NALF1: variants seen among roughly 807,000 people sequenced by gnomAD.
NALF1 encodes NALCN channel auxiliary factor 1.
Under a neutral mutation model 48.4 loss-of-function variants are expected in NALF1, and 3 were observed. That is an observed-to-expected ratio of 0.06 (90% CI 0.03 to 0.16). NALF1 has a LOEUF of 0.16. NALF1 is among the 10% of genes least tolerant of loss of function. The pLI is 1.00. For synonymous variants in NALF1, 262 were observed against 245.7 expected, an observed-to-expected ratio of 1.07 and a Z score of -0.62; for missense variants, 526 against 571.5, an observed-to-expected ratio of 0.92 and a Z score of 0.81.
At chr13:107,704,404 AAT>A (rs1881897738) in intron 1 of NALF1, among the ~76,000 whole-genome samples, 1 of 152,108 alleles carries the variant, frequency 6.6e-6, no homozygotes. Flanking sequence ...TTTCTATACC[AAT>A]GTCTATCTCT....
At chr13:107,624,221 G>A (rs746282269) in intron 1 of NALF1, among the ~76,000 whole-genome samples, 16 of 152,214 alleles carry the variant, frequency 1.1e-4, no homozygotes, top group African/African-American at 2.6e-4. Context: ...AGTATTCGCC[G>A]TTCTTCTGAC....
At chr13:107,286,652 T>C (rs1480695501) in intron 1 of NALF1, among the ~76,000 whole-genome samples, 1 of 150,562 alleles carries the variant, frequency 6.6e-6, no homozygotes, top group Non-Finnish European at 1.5e-5. Context: ...CAAGTGCCCA[T>C]GAATGGATAT....
chr13:107,558,509 G>A (rs974594048), intron 1 of NALF1, among the ~76,000 whole-genome samples: 1 of 152,124 alleles, frequency 6.6e-6, no homozygotes, highest in Non-Finnish European at 1.5e-5. Flanking sequence ...AATACTAAGA[G>A]CAACCGTGGT....
chr13:107,613,376 T>C (rs1379393790), intron 1 of NALF1, among the ~76,000 whole-genome samples: 2 of 152,194 alleles, frequency 1.3e-5, no homozygotes, highest in African/African-American at 2.4e-5. Flanking sequence ...GTAAATTCTT[T>C]CTCTCTCCAG....
chr13:107,339,956 C>A (rs920145809), intron 1 of NALF1, among the ~76,000 whole-genome samples: 1 of 151,922 alleles, frequency 6.6e-6, no homozygotes, highest in Non-Finnish European at 1.5e-5. Flanking sequence ...AAAAAATTTC[C>A]TTTTCAATTC....
chr13:107,840,908 A>G (rs1018499324), intron 1 of NALF1, among the ~76,000 whole-genome samples: 4 of 152,096 alleles, frequency 2.6e-5, no homozygotes, highest in Non-Finnish European at 5.9e-5. Context: ...ATTTGATTTA[A>G]AAGCTACTTC....
At chr13:107,708,193 T>G (rs182116583) in intron 1 of NALF1, among the ~76,000 whole-genome samples, 10 of 152,298 alleles carry the variant, frequency 6.6e-5, no homozygotes, top group Admixed American at 6.5e-4. Flanking sequence ...ACATTTTTTC[T>G]CCATTATGTC....
chr13:107,693,532 T>A (rs941579493), intron 1 of NALF1, among the ~76,000 whole-genome samples: 1 of 151,092 alleles, frequency 6.6e-6, no homozygotes, highest in Admixed American at 6.6e-5. Flanking sequence ...GAAACACTTT[T>A]CAGTCACAGG....
chr13:107,774,250 C>T (rs1877661362), intron 1 of NALF1, among the ~76,000 whole-genome samples: 2 of 152,174 alleles, frequency 1.3e-5, no homozygotes, highest in Admixed American at 6.5e-5. Flanking sequence ...TCCAATTCTG[C>T]ATATCATGCT....
Position 107,716,934 on chromosome 13 carries a change from G to T in NALF1, c.915+148748C>A, listed in dbSNP as rs77754851. Among the ~76,000 whole-genome samples, 4,202 of 152,232 alleles carry T rather than the reference G, an allele frequency of 0.028. 347 individuals are homozygous for T. In the East Asian group the frequency reaches 0.32, roughly 12 times the overall value. On this transcript the variant is annotated intron_variant, in intron 1 of 2. Transcript: ENST00000375915. Reference sequence around the variant, plus strand: ...AGCCCAGGATACTTTGAATAAAAATGCTGACCTTGGAAAAACCAAAATCAC... The same window carrying T: ...AGCCCAGGATACTTTGAATAAAAATTCTGACCTTGGAAAAACCAAAATCAC...
At chr13:107,260,585 T>A (rs4772864) in intron 1 of NALF1, among the ~76,000 whole-genome samples, 33 of 152,164 alleles carry the variant, frequency 2.2e-4, no homozygotes, top group Non-Finnish European at 1.5e-5. Flanking sequence ...TAATTTAACA[T>A]GGAAGCAGTG....
intron 1 of NALF1, among the ~76,000 whole-genome samples, chr13:107,266,033 T>G (rs1881031904): frequency 6.6e-6 from 1 of 152,204 alleles, no homozygotes; most frequent in Non-Finnish European, 1.5e-5. Flanking sequence ...ATAGCCTCTA[T>G]TCCTAAGATC....
chr13:107,633,738 T>C (rs1310431338), intron 1 of NALF1, among the ~76,000 whole-genome samples: 2 of 137,192 alleles, frequency 1.5e-5, no homozygotes, highest in Non-Finnish European at 3.2e-5. Context: ...TATATATATA[T>C]ATGAAACACA....
In NALF1 at chr13:107,493,264, T is replaced by C. The variant is rs1282084647; in HGVS notation, c.916-282509A>G. ...TGGAAAAGGAGTTGTCTGGAAATCT[T>C]TGTACAATAAGAAATAACTCCAGAA... On this transcript the variant is annotated intron_variant, in intron 1 of 2. Transcript: ENST00000375915. 3.3e-5 allele frequency among the ~76,000 whole-genome samples: 5 copies of C among 152,156 alleles called. No homozygotes were observed. The East Asian group carries it at 9.7e-4, about 29-fold the overall frequency.
intron 1 of NALF1, among the ~76,000 whole-genome samples, chr13:107,770,159 C>T (rs528453823): frequency 1.1e-3 from 165 of 152,260 alleles, no homozygotes; most frequent in African/African-American, 3.9e-3. Context: ...GTGATCCACC[C>T]GCCTCGGCCT....
At chr13:107,310,067 G>T (rs531553669) in intron 1 of NALF1, among the ~76,000 whole-genome samples, 10 of 151,886 alleles carry the variant, frequency 6.6e-5, no homozygotes, top group African/African-American at 2.4e-4. Flanking sequence ...TATTTGTTTT[G>T]TGTGTGTGTG....
At chr13:107,632,249 C>T (rs1397115694) in intron 1 of NALF1, among the ~76,000 whole-genome samples, 1 of 152,138 alleles carries the variant, frequency 6.6e-6, no homozygotes, top group Non-Finnish European at 1.5e-5. Context: ...GTCTATCCTT[C>T]CATCCATCCA....
At chr13:107,424,763 C>A (rs1233575631) in intron 1 of NALF1, among the ~76,000 whole-genome samples, 1 of 152,164 alleles carries the variant, frequency 6.6e-6, no homozygotes, top group Admixed American at 6.5e-5. Flanking sequence ...ATAAATGTAG[C>A]ATTGTTGGTT....
At chr13:107,455,572 G>T (rs940999665) in intron 1 of NALF1, among the ~76,000 whole-genome samples, 1 of 151,998 alleles carries the variant, frequency 6.6e-6, no homozygotes, top group Admixed American at 6.6e-5. Context: ...TTACATTATT[G>T]TTCACTCTCA....
Sources: allele counts gnomAD v4.1 joint callset (sites outside exome capture counted in the v4.1 genomes callset), GRCh38; gene constraint gnomAD v4.1.1; transcripts MANE v1.5; gene names NCBI Gene and HGNC (gene_info 2026-07-23, HGNC 2026-07-21).